CDK6: variants seen among roughly 807,000 people sequenced by gnomAD.
CDK6 encodes cyclin dependent kinase 6.
Under a neutral mutation model 37.1 loss-of-function variants are expected in CDK6, and 6 were observed. The ratio of observed to expected loss-of-function variants is 0.16; its 90% confidence interval spans 0.09 to 0.32. CDK6 has a LOEUF of 0.32. Ranked by LOEUF, CDK6 falls within the 10% of genes least tolerant of loss-of-function variation. The pLI is 1.00. For missense variants in CDK6, 224 were observed against 418.9 expected (o/e 0.53, Z 4.06); for synonymous variants, 160 against 161.3 (o/e 0.99, Z 0.06).
chr7:92,619,895 C>A (rs1041838355), intron 6 of CDK6, among the ~76,000 whole-genome samples: 2 of 151,648 alleles, frequency 1.3e-5, no homozygotes, highest in Non-Finnish European at 2.9e-5. Flanking sequence ...AGAAAAAAAC[C>A]AAAAATACCA....
In CDK6 at chr7:92,673,176, C is replaced by A. The variant is rs146998886; in HGVS notation, c.538-1641G>T. The stretch of plus-strand genomic sequence containing the variant: ...AAGCCTGCGAATGAGCCATCTTGGA[C>A]ATTCAAGCCAACTGACCTCCCATAT... On this transcript the variant is annotated intron_variant, in intron 4 of 7. Transcript: ENST00000424848. Among the ~76,000 whole-genome samples, 224 of 152,326 alleles carry A rather than the reference C, an allele frequency of 1.5e-3. 1 individual carries two copies. Among genetic ancestry groups the A allele is most frequent in the African/African-American group, 4.9e-3 (205 of 41,574 alleles).
intron 4 of CDK6, among the ~76,000 whole-genome samples, chr7:92,717,781 C>G (rs1252654929): frequency 6.6e-6 from 1 of 152,202 alleles, no homozygotes; most frequent in African/African-American, 2.4e-5. Context: ...TCATTTGATT[C>G]ACTTCGCAAA....
chr7:92,615,048 A>G lies in CDK6; in HGVS notation c.*92T>C, dbSNP rs1329077277. On this transcript the variant is annotated 3_prime_UTR_variant, in exon 8 of 8. Coordinates refer to ENST00000424848, the MANE Select transcript of CDK6 (RefSeq NM_001145306.2). Reference sequence around the variant, plus strand: ...GCAGCTGGAAGGCCTCCAGATAGCAATCCTCCACAGCTCTGTAGGGCTTGC... The same window carrying G: ...GCAGCTGGAAGGCCTCCAGATAGCAGTCCTCCACAGCTCTGTAGGGCTTGC... 4 of 1,366,060 alleles carry G rather than the reference A, an allele frequency of 2.9e-6. No homozygotes were observed. The highest frequency in any genetic ancestry group is 2.6e-4 in the Middle Eastern group (1 of 3,828). The allele number at this position is 1,366,060 out of a possible 1,614,324, so 84.6% of individuals were successfully genotyped here. A position where few individuals can be genotyped will look rare whatever the true frequency, so the allele number is the denominator to read the frequency against.
intron 2 of CDK6, among the ~76,000 whole-genome samples, chr7:92,800,644 G>T (rs1029476664): frequency 1.3e-5 from 2 of 152,134 alleles, no homozygotes; most frequent in Non-Finnish European, 1.5e-5. Flanking sequence ...TTGCATTCAG[G>T]GGGGGCTCAA....
chr7:92,718,801 T>C (rs898415367), intron 4 of CDK6, among the ~76,000 whole-genome samples: 2 of 152,202 alleles, frequency 1.3e-5, no homozygotes, highest in Non-Finnish European at 2.9e-5. Flanking sequence ...TTTCCTTTAT[T>C]GCATTTATCT....
At chr7:92,739,459 T>G (rs1798867665) in intron 3 of CDK6, among the ~76,000 whole-genome samples, 1 of 152,252 alleles carries the variant, frequency 6.6e-6, no homozygotes. Context: ...TGTCCTTCCA[T>G]CTGTATTTCT....
intron 2 of CDK6, among the ~76,000 whole-genome samples, chr7:92,825,315 C>T (rs572022123): frequency 2.2e-4 from 33 of 152,224 alleles, no homozygotes; most frequent in Admixed American, 1.7e-3. Context: ...TTCTAAATGG[C>T]GCATATTCTG....
chr7:92,716,050 C>T (rs1445363590), intron 4 of CDK6, among the ~76,000 whole-genome samples: 1 of 152,016 alleles, frequency 6.6e-6, no homozygotes, highest in Non-Finnish European at 1.5e-5. Flanking sequence ...AATGTTACTC[C>T]CTCAGAGCTC....
At chr7:92,644,580 C>A (rs1796397691) in intron 5 of CDK6, among the ~76,000 whole-genome samples, 1 of 152,136 alleles carries the variant, frequency 6.6e-6, no homozygotes, top group African/African-American at 2.4e-5. Context: ...CTTGTGAAAT[C>A]TGCTCCTGAT....
chr7:92,695,927 A>C (rs2116650700), intron 4 of CDK6, among the ~76,000 whole-genome samples: 1 of 152,328 alleles, frequency 6.6e-6, no homozygotes, highest in Middle Eastern at 3.4e-3. Context: ...CACCTCTCTC[A>C]CGCACATCGG....
intron 5 of CDK6, among the ~76,000 whole-genome samples, chr7:92,640,135 G>T (rs966563777): frequency 6.6e-6 from 1 of 152,304 alleles, no homozygotes; most frequent in Non-Finnish European, 1.5e-5. Flanking sequence ...TAGCACAAGA[G>T]AGCACGCCGC....
At chr7:92,699,225 C>G (rs1360965498) in intron 4 of CDK6, among the ~76,000 whole-genome samples, 1 of 152,064 alleles carries the variant, frequency 6.6e-6, no homozygotes, top group East Asian at 1.9e-4. Context: ...TTTTAGGATC[C>G]CTTTTAAAGC....
intron 2 of CDK6, among the ~76,000 whole-genome samples, chr7:92,803,460 C>A (rs1407180275): frequency 1.3e-5 from 2 of 152,130 alleles, no homozygotes; most frequent in Non-Finnish European, 2.9e-5. Context: ...ACATAGGTAA[C>A]AAGGAGAAGA....
At chr7:92,825,197 G>T (rs1049267372) in intron 2 of CDK6, among the ~76,000 whole-genome samples, 1 of 151,994 alleles carries the variant, frequency 6.6e-6, no homozygotes, top group African/African-American at 2.4e-5. Flanking sequence ...ATTTAACAAA[G>T]CGTTGAATAT....
rs3173528 is a variant in CDK6, at chr7:92,833,637, A to T, written c.-314T>A. 1 of 513,274 alleles carries T rather than the reference A, an allele frequency of 1.9e-6. No individual in the cohort carries two copies. Among genetic ancestry groups the T allele is most frequent in the South Asian group, 3.1e-5 (1 of 32,262 alleles). The allele number at this position is 513,274 out of a possible 1,614,324, so 31.8% of individuals were successfully genotyped here. On this transcript the variant is annotated 5_prime_UTR_variant, in exon 2 of 8. Coordinates refer to ENST00000424848, the MANE Select transcript of CDK6 (RefSeq NM_001145306.2). This position sits in a 1 kb window ranked among gnomAD's most constrained non-coding sequence, Gnocchi z 6.1. ...CTCCTCGAAGCGAAGTCCTCAACAC[A>T]GACACGATTACATAGCCTCTGCCCA... is the stretch of plus-strand genomic sequence containing the variant.
At chr7:92,636,347 C>T (rs1796169674) in intron 5 of CDK6, among the ~76,000 whole-genome samples, 1 of 152,150 alleles carries the variant, frequency 6.6e-6, no homozygotes, top group African/African-American at 2.4e-5. Context: ...GCGTGCACCA[C>T]TGTGCCCAGC....
intron 4 of CDK6, among the ~76,000 whole-genome samples, chr7:92,687,816 A>G (rs1454405186): frequency 6.6e-6 from 1 of 152,152 alleles, no homozygotes; most frequent in Non-Finnish European, 1.5e-5. Flanking sequence ...TTTCCTAGCA[A>G]TACCATTCCT....
Position 92,760,708 on chromosome 7 carries a change from A to C in CDK6, c.369+13988T>G, listed in dbSNP as rs561146333. On this transcript the variant is annotated intron_variant, in intron 3 of 7. Coordinates refer to ENST00000424848, the MANE Select transcript of CDK6 (RefSeq NM_001145306.2). ...ACCCATAATACCCTGACAGAGATATATACTGTTAATAATTTCATGCTAGTT... is the reference window on the plus strand; with the variant it reads ...ACCCATAATACCCTGACAGAGATATCTACTGTTAATAATTTCATGCTAGTT... 1.4e-4 allele frequency among the ~76,000 whole-genome samples: 21 copies of C among 152,272 alleles called. No individual in the cohort carries two copies. The South Asian group carries it at 4.3e-3, about 32-fold the overall frequency.
rs140571562 is a variant in CDK6 at position 92,822,933 on chromosome 7, T to C, written c.233+10158A>G. On this transcript the variant is annotated intron_variant, in intron 2 of 7. Transcript: ENST00000424848. Reference sequence around the variant, plus strand: ...ACTATCCCAAGTTCTCTTACTGTTTTTTCTATTTTCTCTCTCATTGCTACC... The same window carrying C: ...ACTATCCCAAGTTCTCTTACTGTTTCTTCTATTTTCTCTCTCATTGCTACC... Among the ~76,000 whole-genome samples, 15 of 152,158 alleles carry C rather than the reference T, an allele frequency of 9.9e-5. No individual in the cohort carries two copies. The East Asian group carries it at 2.9e-3, about 29-fold the overall frequency.
Sources: allele counts gnomAD v4.1 joint callset (sites outside exome capture counted in the v4.1 genomes callset), GRCh38; gene constraint gnomAD v4.1.1; non-coding constraint Gnocchi (gnomAD v3.1); transcripts MANE v1.5; gene names NCBI Gene and HGNC (gene_info 2026-07-23, HGNC 2026-07-21).